Variants in RBPMS observed in about 807,000 individuals in gnomAD.
RBPMS encodes RNA binding protein, mRNA processing factor.
Under a neutral mutation model 26.8 loss-of-function variants are expected in RBPMS, and 7 were observed. The observed-to-expected ratio is 0.26, with a 90% CI of 0.15 to 0.49. The LOEUF (loss-of-function observed/expected upper bound fraction) is 0.49. Among genes scored for constraint, RBPMS ranks in the 20% least tolerant of loss-of-function variants. The pLI, the probability that RBPMS is intolerant of heterozygous loss-of-function variation, is 0.98. For synonymous variants in RBPMS, 96 were observed against 93.3 expected, an observed-to-expected ratio of 1.03 and a Z score of -0.17; for missense variants, 186 against 250.0, an observed-to-expected ratio of 0.74 and a Z score of 1.73.
intron 6 of RBPMS, chr8:30,556,570 A>T: frequency 1.0e-6 from 1 of 985,664 alleles, no homozygotes. Context: ...TCAGCGCCCC[A>T]ACCCACACCC....
intron 4 of RBPMS, among the ~76,000 whole-genome samples, chr8:30,479,734 C>A: frequency 6.6e-6 from 1 of 151,912 alleles, no homozygotes; most frequent in East Asian, 1.9e-4. Flanking sequence ...TCATTATACT[C>A]TAAATGACTA....
chr8:30,504,485 T>TCATGTGCTG, intron 5 of RBPMS, 49 bp downstream of exon 5: 1 of 1,574,872 alleles, frequency 6.3e-7, no homozygotes. Flanking sequence ...TAAGAACTGT[T>TCATGTGCTG]CATGTGCTGC....
intron 4 of RBPMS, among the ~76,000 whole-genome samples, chr8:30,499,057 AC>A (rs562433503): frequency 6.6e-6 from 1 of 152,332 alleles, no homozygotes; most frequent in South Asian, 2.1e-4. Flanking sequence ...GTAAGTCATT[AC>A]TGATGTAAAT....
intron 6 of RBPMS, among the ~76,000 whole-genome samples, chr8:30,555,567 AAG>A (rs779956546): frequency 5.3e-5 from 8 of 152,158 alleles, no homozygotes; most frequent in South Asian, 2.1e-4. Context: ...ACTATGGGAG[AAG>A]AGAGAGAGGG....
At chr8:30,529,764 T>C (rs543277168) in intron 5 of RBPMS, among the ~76,000 whole-genome samples, 470 of 151,996 alleles carry the variant, frequency 3.1e-3, no homozygotes, top group African/African-American at 0.011. Flanking sequence ...TTTTTTTTTT[T>C]TTTGGTGAGA....
At chr8:30,387,590 T>C (rs1013486748) in intron 1 of RBPMS, among the ~76,000 whole-genome samples, 3 of 152,100 alleles carry the variant, frequency 2.0e-5, no homozygotes, top group African/African-American at 7.2e-5. Flanking sequence ...ACATACAACA[T>C]AGATATATAC....
chr8:30,543,691 T>G (rs1406633951), intron 5 of RBPMS, among the ~76,000 whole-genome samples: 1 of 152,186 alleles, frequency 6.6e-6, no homozygotes, highest in Non-Finnish European at 1.5e-5. Context: ...GATTGCTTCC[T>G]GATACATGGG....
chr8:30,417,696 C>CT (rs1810259260), intron 1 of RBPMS, among the ~76,000 whole-genome samples: 1 of 151,894 alleles, frequency 6.6e-6, no homozygotes, highest in Admixed American at 6.6e-5. Flanking sequence ...TGTCTTTTAT[C>CT]TTTTTTGCTC....
chr8:30,558,936 G>A lies in RBPMS; in HGVS notation c.578G>A (p.Arg193His), dbSNP rs756429286. 22 of 1,613,882 alleles carry A rather than the reference G, an allele frequency of 1.4e-5. No homozygotes were observed. The highest frequency in any genetic ancestry group is 2.7e-5 in the African/African-American group (2 of 74,918). Residue 193 changes from arginine (R) to histidine (H), a missense_variant, in exon 7 of 9, where the codon CGT becomes CAT. By Grantham distance (29) the Arg-to-His change is conservative. This residue lies in a region of RBPMS where 98 missense variants were observed against 113.6 expected (regional missense o/e 0.86). Transcript: ENST00000397323. ...GCTACTTCTCAGGGCTGGAAGTCCC[G>A]TCAGTTCTGCTGAATACTATGTAAG... is the stretch of plus-strand genomic sequence containing the variant. The part of the protein sequence containing the change: ...SEATSQGWKS[R>H]QFC
Position 30,485,631 on chromosome 8 carries a change from T to G in RBPMS, c.246+6254T>G, listed in dbSNP as rs369383654. On this transcript the variant is annotated intron_variant, in intron 4 of 8. Coordinates refer to ENST00000397323, the MANE Select transcript of RBPMS (RefSeq NM_001008710.3). ...CTGTGATGTGGGGCCATTGGGCCCT[T>G]CTGTTTTTCTCAACTATGTGCATGC... Among the ~76,000 whole-genome samples the G allele has an allele frequency of 1.2e-4, 18 of 152,364 alleles. No individual in the cohort carries two copies. The East Asian group carries it at 3.3e-3, about 28-fold the overall frequency.
chr8:30,421,878 C>G (rs1810831603), intron 1 of RBPMS, among the ~76,000 whole-genome samples: 2 of 151,936 alleles, frequency 1.3e-5, no homozygotes, highest in Admixed American at 1.3e-4. Flanking sequence ...TTGCTTGAAC[C>G]CGGGAGGCGG....
At chr8:30,450,676 A>G (rs1814456854) in intron 1 of RBPMS, among the ~76,000 whole-genome samples, 1 of 150,996 alleles carries the variant, frequency 6.6e-6, no homozygotes, top group African/African-American at 2.4e-5. Flanking sequence ...AGAGAGCTGC[A>G]TGGCTGTGAA....
intron 7 of RBPMS, among the ~76,000 whole-genome samples, chr8:30,563,367 G>A (rs1827648045): frequency 6.6e-6 from 1 of 151,092 alleles, no homozygotes; most frequent in African/African-American, 2.5e-5. Context: ...CAGATACACT[G>A]AGAACAGGCG....
At chr8:30,553,649 G>C (rs1391007060) in intron 6 of RBPMS, 1 of 152,234 alleles carries the variant, frequency 6.6e-6, no homozygotes, top group African/African-American at 2.4e-5. Context: ...GAACTTCAGC[G>C]CTCCATTCTA....
chr8:30,549,809 T>TCTCTCTCTCCCTCCCCTCTCTC, intron 6 of RBPMS, among the ~76,000 whole-genome samples: 1 of 92,612 alleles, frequency 1.1e-5, no homozygotes, highest in South Asian at 3.1e-4. Context: ...CTCTCTCCTC[T>TCTCTCTCTCCCTCCCCTCTCTC]CTCTCTCTCT....
chr8:30,472,824 C>T (rs1817279068), intron 1 of RBPMS, among the ~76,000 whole-genome samples: 1 of 152,100 alleles, frequency 6.6e-6, no homozygotes, highest in Non-Finnish European at 1.5e-5. Context: ...GCCTGTAATC[C>T]CAGCACTGTG....
At chr8:30,547,502 A>C (rs1156619688) in intron 6 of RBPMS, 3 of 1,539,622 alleles carry the variant, frequency 1.9e-6, no homozygotes, top group Non-Finnish European at 2.6e-6. Context: ...TAAAAATTTT[A>C]ATCAGAGCAA....
intron 7 of RBPMS, among the ~76,000 whole-genome samples, chr8:30,561,209 A>G (rs1055993603): frequency 1.3e-5 from 2 of 152,208 alleles, no homozygotes; most frequent in Non-Finnish European, 2.9e-5. Flanking sequence ...CTATAAGACT[A>G]TATCTGAGAT....
At chr8:30,556,585 C>T (rs757386190) in intron 6 of RBPMS, 74 of 986,396 alleles carry the variant, frequency 7.5e-5, no homozygotes, top group South Asian at 6.6e-4. Context: ...ACACCCAGGC[C>T]GCACCAGTCA....
Sources: allele counts gnomAD v4.1 joint callset (sites outside exome capture counted in the v4.1 genomes callset), GRCh38; gene constraint gnomAD v4.1.1; regional missense constraint gnomAD v4.1.1; transcripts MANE v1.5; gene names NCBI Gene and HGNC (gene_info 2026-07-23, HGNC 2026-07-21).